The following SSBP2 variants were observed in gnomAD, a reference collection of about 807,000 sequenced individuals.
SSBP2 encodes the protein single stranded DNA binding protein 2.
Under a neutral mutation model 61.8 loss-of-function variants are expected in SSBP2, and 17 were observed. The ratio of observed to expected loss-of-function variants is 0.28; its 90% CI spans 0.19 to 0.41. The LOEUF (loss-of-function observed/expected upper bound fraction) is 0.41, where lower values mean the gene tolerates loss of function less well. Ranked by LOEUF, SSBP2 falls within the 10% of genes least tolerant of loss-of-function variation. The pLI is 1.00. For synonymous variants in SSBP2, 139 were observed against 141.3 expected, an observed-to-expected ratio of 0.98 and a Z score of 0.12; for missense variants, 310 against 458.7, an observed-to-expected ratio of 0.68 and a Z score of 2.96.
intron 4 of SSBP2, among the ~76,000 whole-genome samples, chr5:81,592,202 C>T (rs989678420): frequency 3.9e-5 from 6 of 152,218 alleles, no homozygotes; most frequent in Non-Finnish European, 8.8e-5. Flanking sequence ...GCACTTGGCT[C>T]GGAGGGTCCT....
intron 4 of SSBP2, among the ~76,000 whole-genome samples, chr5:81,610,202 G>C (rs1036872910): frequency 6.6e-6 from 1 of 152,140 alleles, no homozygotes; most frequent in Non-Finnish European, 1.5e-5. Flanking sequence ...AGCAAGACTG[G>C]GGGGAGAGGT....
At chr5:81,562,179 T>C (rs1348141270) in intron 4 of SSBP2, among the ~76,000 whole-genome samples, 2 of 152,166 alleles carry the variant, frequency 1.3e-5, no homozygotes, top group African/African-American at 4.8e-5. Flanking sequence ...GTGCTGGGAT[T>C]ACAGGCTTGA....
intron 1 of SSBP2, among the ~76,000 whole-genome samples, chr5:81,706,796 A>G (rs1250554016): frequency 1.3e-5 from 2 of 152,140 alleles, no homozygotes; most frequent in Non-Finnish European, 2.9e-5. Context: ...TAGGTACTTG[A>G]TAGTCTGATT....
intron 9 of SSBP2, among the ~76,000 whole-genome samples, chr5:81,466,579 C>A (rs1011331192): frequency 1.3e-5 from 2 of 151,778 alleles, no homozygotes; most frequent in South Asian, 2.1e-4. Flanking sequence ...TGAGGTTAAC[C>A]GTATTCAATT....
chr5:81,705,796 A>G (rs1754336099), intron 1 of SSBP2, among the ~76,000 whole-genome samples: 1 of 152,178 alleles, frequency 6.6e-6, no homozygotes, highest in Non-Finnish European at 1.5e-5. Flanking sequence ...CAGGTTGGGA[A>G]CCAAACATAC....
At position 81,489,959 on chromosome 5, in the gene SSBP2, G is replaced by A. The variant is rs186312046; in HGVS notation, c.373-650C>T. On this transcript the variant is annotated intron_variant, in intron 5 of 16. Coordinates refer to ENST00000320672, the MANE Select transcript of SSBP2 (RefSeq NM_012446.5). Reference sequence around the variant, plus strand: ...CTTGAGCTCAACAGTTAGAGGCTGTGGTGCATCATGACCATGCCTGTAAAC... The same window carrying A: ...CTTGAGCTCAACAGTTAGAGGCTGTAGTGCATCATGACCATGCCTGTAAAC... 5.4e-3 allele frequency among the ~76,000 whole-genome samples: 812 copies of A among 151,524 alleles called. 5 individuals carry two copies. The highest frequency in any genetic ancestry group is 0.018 in the African/African-American group (759 of 41,290).
At chr5:81,647,073 T>C (rs1216280131) in intron 2 of SSBP2, among the ~76,000 whole-genome samples, 1 of 152,194 alleles carries the variant, frequency 6.6e-6, no homozygotes, top group Non-Finnish European at 1.5e-5. Flanking sequence ...TTATCACAAA[T>C]CTATCTCCAG....
At chr5:81,507,637 G>A (rs539984815) in intron 5 of SSBP2, among the ~76,000 whole-genome samples, 1 of 152,072 alleles carries the variant, frequency 6.6e-6, no homozygotes. Context: ...TTATTAGAGT[G>A]ATAAGGAAGT....
At chr5:81,510,669 G>A (rs536060766) in intron 5 of SSBP2, among the ~76,000 whole-genome samples, 86 of 152,146 alleles carry the variant, frequency 5.7e-4, no homozygotes, top group African/African-American at 1.8e-3. Flanking sequence ...GCTGTGGCAG[G>A]AGACTCGCTT....
At chr5:81,551,743 A>C (rs1772207266) in intron 4 of SSBP2, among the ~76,000 whole-genome samples, 1 of 152,216 alleles carries the variant, frequency 6.6e-6, no homozygotes, top group Non-Finnish European at 1.5e-5. Context: ...AATTAAAATT[A>C]AGTTTTGTGG....
intron 4 of SSBP2, among the ~76,000 whole-genome samples, chr5:81,532,055 GA>G (rs1770453060): frequency 6.6e-6 from 1 of 152,060 alleles, no homozygotes; most frequent in South Asian, 2.1e-4. Flanking sequence ...GAAGATATTT[GA>G]AACAGATGCA....
At chr5:81,724,452 T>C (rs1755740804) in intron 1 of SSBP2, among the ~76,000 whole-genome samples, 7 of 152,012 alleles carry the variant, frequency 4.6e-5, no homozygotes, top group Admixed American at 4.6e-4. Context: ...TAGAACACAG[T>C]GCAAAGCCAC....
intron 4 of SSBP2, among the ~76,000 whole-genome samples, chr5:81,586,642 AAG>A (rs1775076122): frequency 1.3e-5 from 2 of 150,516 alleles, no homozygotes; most frequent in African/African-American, 2.5e-5. Context: ...AAAAAAAAAA[AAG>A]AGTAAATATA....
At chr5:81,505,091 T>C (rs910367640) in intron 5 of SSBP2, among the ~76,000 whole-genome samples, 1 of 152,212 alleles carries the variant, frequency 6.6e-6, no homozygotes, top group Admixed American at 6.5e-5. Context: ...TTTTATCACA[T>C]TCATGTAGAA....
chr5:81,436,185 C>CAAAAAAAAAA (rs34499225), intron 15 of SSBP2, among the ~76,000 whole-genome samples: 5 of 54,566 alleles, frequency 9.2e-5, no homozygotes, highest in East Asian at 6.3e-4. Context: ...AAGACTCCAT[C>CAAAAAAAAAA]AAAAAAAAAA....
intron 14 of SSBP2, among the ~76,000 whole-genome samples, chr5:81,438,797 T>C (rs1762831665): frequency 2.6e-5 from 4 of 152,186 alleles, no homozygotes; most frequent in Admixed American, 2.6e-4. Flanking sequence ...TATTTTGCAA[T>C]AAATTGGAAA....
intron 4 of SSBP2, among the ~76,000 whole-genome samples, chr5:81,594,474 C>G (rs1431428286): frequency 7.2e-5 from 11 of 152,072 alleles, no homozygotes; most frequent in Non-Finnish European, 1.0e-4. Context: ...ATTGAACTCA[C>G]CTCTGCACCA....
intron 1 of SSBP2, among the ~76,000 whole-genome samples, chr5:81,727,395 CAA>C (rs1755964452): frequency 6.6e-6 from 1 of 152,068 alleles, no homozygotes; most frequent in Non-Finnish European, 1.5e-5. Flanking sequence ...ACTAAAAATA[CAA>C]AGTTAGCCGG....
At chr5:81,624,289 C>T (rs1335472801) in intron 3 of SSBP2, among the ~76,000 whole-genome samples, 1 of 152,126 alleles carries the variant, frequency 6.6e-6, no homozygotes, top group East Asian at 1.9e-4. Context: ...TATGTTCCTC[C>T]TTCTAAGAAT....
Sources: gnomAD v4.1 joint callset for allele counts (sites outside exome capture counted in the v4.1 genomes callset) on GRCh38, gnomAD v4.1.1 for gene constraint, MANE v1.5 for transcripts, NCBI Gene and HGNC (gene_info 2026-07-23, HGNC 2026-07-21) for gene names.